Variants in SNX27 observed in about 807,000 individuals in gnomAD.
The protein encoded by SNX27 is sorting nexin-27.
In SNX27, 22 loss-of-function variants were observed where a neutral mutation model predicts 71.6. That is an observed-to-expected ratio of 0.31 (90% CI 0.22 to 0.44). The LOEUF is 0.44. Ranked by LOEUF, SNX27 falls within the 20% of genes least tolerant of loss-of-function variation. The probability of loss-of-function intolerance (pLI) is 1.00; values close to 1 mark genes in which losing one functional copy is unlikely to be tolerated. For synonymous variants in SNX27, 269 were observed against 277.2 expected (o/e 0.97, Z 0.29); for missense variants, 531 against 698.6 (o/e 0.76, Z 2.70).
chr1:151,683,318 T>G (rs778726149), intron 7 of SNX27, 38 bp from the exon 8 acceptor site: 81 of 1,522,614 alleles, frequency 5.3e-5, no homozygotes, highest in Admixed American at 9.8e-5. Flanking sequence ...ATAATGATTT[T>G]TACACTCCTT....
At chr1:151,661,808 C>A (rs907556382) in intron 4 of SNX27, among the ~76,000 whole-genome samples, 1 of 152,092 alleles carries the variant, frequency 6.6e-6, no homozygotes. Context: ...GAATATACAT[C>A]GAAACTACTG....
At chr1:151,641,702 A>C (rs1057239150) in intron 2 of SNX27, among the ~76,000 whole-genome samples, 6 of 140,192 alleles carry the variant, frequency 4.3e-5, no homozygotes, top group South Asian at 2.2e-4. Flanking sequence ...TATCATATAT[A>C]TGATATATAT....
At chr1:151,668,767 TC>T in intron 7 of SNX27, 132 bp downstream of exon 7, 1 of 656,746 alleles carries the variant, frequency 1.5e-6, no homozygotes, top group Non-Finnish European at 2.4e-6. Flanking sequence ...TGTAAAATGT[TC>T]TATCCCATTT....
chr1:151,670,650 AGTT>A (rs1450484650), intron 7 of SNX27, among the ~76,000 whole-genome samples: 1 of 150,556 alleles, frequency 6.6e-6, no homozygotes, highest in African/African-American at 2.4e-5. Context: ...TTTCCTGTTG[AGTT>A]GTTTGAGCTC....
chr1:151,693,590 T>C (rs1446031826), intron 11 of SNX27, 107 bp downstream of exon 11: 1 of 1,614,076 alleles, frequency 6.2e-7, no homozygotes, highest in African/African-American at 1.3e-5. Flanking sequence ...TCTGTCTTTC[T>C]AGGAATATTA....
At chr1:151,662,080 T>G in intron 4 of SNX27, 86 bp from the exon 5 acceptor site, 4 of 850,926 alleles carry the variant, frequency 4.7e-6, no homozygotes, top group South Asian at 1.6e-5. Flanking sequence ...CTCTACCACG[T>G]TTTAGGTTAT....
chr1:151,671,426 T>G (rs1670448868), intron 7 of SNX27, among the ~76,000 whole-genome samples: 1 of 151,698 alleles, frequency 6.6e-6, no homozygotes, highest in South Asian at 2.1e-4. Context: ...TTTGTAGAGG[T>G]GGGGGGTCTT....
rs1041378020 is a variant in SNX27, at chr1:151,694,455, C to G, written c.*38C>G. 3.3e-5 allele frequency: 50 copies of G among 1,533,724 alleles called. No homozygotes were observed. The highest frequency in any genetic ancestry group is 4.1e-5 in the Non-Finnish European group (47 of 1,134,528). ...CCCTTCCCTTCCCTTCACCCCCATC[C>G]TCTTACTCCTTTCATGTCCCATTTC... On this transcript the variant is annotated 3_prime_UTR_variant, in exon 12 of 12. Coordinates refer to ENST00000458013, the MANE Select transcript of SNX27 (RefSeq NM_001330723.2).
At chr1:151,688,820 C>T (rs1015495397) in intron 8 of SNX27, among the ~76,000 whole-genome samples, 19 of 152,030 alleles carry the variant, frequency 1.2e-4, no homozygotes, top group East Asian at 9.7e-4. Flanking sequence ...GGTGTTTTTT[C>T]TGATCCTCTC....
At chr1:151,660,684 TACTGATGATTTAAACTTAAA>T (rs1349223291) in intron 3 of SNX27, 94 bp from the exon 4 acceptor site, 9 of 758,254 alleles carry the variant, frequency 1.2e-5, no homozygotes, top group African/African-American at 5.2e-5. Flanking sequence ...TATTGCCTGC[TACTGATGATTTAAACTTAAA>T]ACTGATGATT....
intron 2 of SNX27, among the ~76,000 whole-genome samples, chr1:151,652,890 C>T (rs1669481863): frequency 6.7e-6 from 1 of 150,334 alleles, no homozygotes; most frequent in Non-Finnish European, 1.5e-5. Flanking sequence ...TGGGTCATCT[C>T]TGAGACTGTT....
intron 2 of SNX27, among the ~76,000 whole-genome samples, chr1:151,642,167 A>G (rs1169283085): frequency 6.6e-6 from 1 of 151,802 alleles, no homozygotes; most frequent in Non-Finnish European, 1.5e-5. Flanking sequence ...TCGGTGGATC[A>G]CTTGAGGTCA....
chr1:151,665,131 A>G (rs1670135946), intron 5 of SNX27, among the ~76,000 whole-genome samples: 1 of 152,202 alleles, frequency 6.6e-6, no homozygotes, highest in Admixed American at 6.5e-5. Flanking sequence ...CATGAAAAAG[A>G]GATACCTTAC....
At chr1:151,635,559 A>C (rs1245320875) in intron 1 of SNX27, among the ~76,000 whole-genome samples, 1 of 152,226 alleles carries the variant, frequency 6.6e-6, no homozygotes, top group Non-Finnish European at 1.5e-5. Flanking sequence ...AAATTATATC[A>C]TATAACATTT....
intron 7 of SNX27, chr1:151,680,021 C>G (rs765451032): frequency 2.6e-5 from 4 of 151,824 alleles, no homozygotes; most frequent in South Asian, 2.1e-4. Context: ...TTATTAGGAG[C>G]CTTTTAGTAC....
chr1:151,651,376 G>A (rs1213267265), intron 2 of SNX27, among the ~76,000 whole-genome samples: 1 of 148,404 alleles, frequency 6.7e-6, no homozygotes, highest in Non-Finnish European at 1.5e-5. Flanking sequence ...GCCTGGCGGG[G>A]GGCTGACCCC....
intron 1 of SNX27, among the ~76,000 whole-genome samples, chr1:151,630,475 C>G (rs978443833): frequency 3.9e-5 from 6 of 152,074 alleles, no homozygotes; most frequent in African/African-American, 1.4e-4. Flanking sequence ...TTTTGGAAAA[C>G]TTTGGCCATT....
intron 7 of SNX27, among the ~76,000 whole-genome samples, chr1:151,669,540 A>G (rs953592484): frequency 6.6e-6 from 1 of 152,138 alleles, no homozygotes; most frequent in Non-Finnish European, 1.5e-5. Context: ...TTCTGAAGAA[A>G]TCTCCTGTGG....
intron 4 of SNX27, 106 bp from the exon 5 acceptor site, chr1:151,662,060 C>G (rs970523453): frequency 7.5e-6 from 5 of 664,896 alleles, no homozygotes; most frequent in Middle Eastern, 2.6e-4. Flanking sequence ...TTCATTGGAA[C>G]TCACTTCTTC....
Sources: gnomAD v4.1 joint callset for allele counts (sites outside exome capture counted in the v4.1 genomes callset) on GRCh38, gnomAD v4.1.1 for gene constraint, MANE v1.5 for transcripts, NCBI Gene and HGNC (gene_info 2026-07-23, HGNC 2026-07-21) for gene names.